The following MARCHF1 variants were observed in gnomAD, a reference collection of about 807,000 sequenced individuals.
The protein encoded by MARCHF1 is membrane associated ring-CH-type finger 1.
In MARCHF1, 40 loss-of-function variants were observed where a neutral mutation model predicts 54.2. The ratio of observed to expected loss-of-function variants is 0.74; its 90% CI spans 0.57 to 0.96. The LOEUF is 0.96. Among genes scored for constraint, MARCHF1 ranks in the 40% least tolerant of loss-of-function variants. MARCHF1 has a pLI of 0.00. For missense variants in MARCHF1, 586 were observed against 656.5 expected (o/e 0.89, Z 1.17); for synonymous variants, 236 against 236.3 (o/e 1.00, Z 0.01).
chr4:163,531,998 ATAT>A (rs1237446885), intron 9 of MARCHF1, among the ~76,000 whole-genome samples: 2 of 152,026 alleles, frequency 1.3e-5, no homozygotes, highest in Admixed American at 1.3e-4. Context: ...ACTTAATATT[ATAT>A]TATTAAGATA....
chr4:163,792,912 C>T (rs1441825687), intron 4 of MARCHF1, among the ~76,000 whole-genome samples: 2 of 152,176 alleles, frequency 1.3e-5, no homozygotes, highest in Non-Finnish European at 2.9e-5. Flanking sequence ...GACCCAGGCT[C>T]TATTGCTTTG....
chr4:163,587,627 G>A (rs1318912108), intron 7 of MARCHF1, among the ~76,000 whole-genome samples: 2 of 152,056 alleles, frequency 1.3e-5, no homozygotes, highest in Non-Finnish European at 2.9e-5. Flanking sequence ...GGGGGAGGGT[G>A]GTGGGAAGTA....
chr4:163,791,188 G>T (rs1257693410), intron 4 of MARCHF1, among the ~76,000 whole-genome samples: 1 of 152,124 alleles, frequency 6.6e-6, no homozygotes, highest in Admixed American at 6.6e-5. Flanking sequence ...TCTTCTAGCT[G>T]AAAGTGTACC....
rs375746609 is a variant in MARCHF1 at position 163,823,865 on chromosome 4, A to G, written c.111+30156T>C. Among the ~76,000 whole-genome samples, 32 of 107,834 alleles carry G rather than the reference A, an allele frequency of 3.0e-4. 1 individual carries two copies. In the South Asian group the frequency reaches 0.014, roughly 46 times the overall value. The allele number at this position is 107,834 out of a possible 152,430, so 70.7% of individuals were successfully genotyped here. On this transcript the variant is annotated intron_variant, in intron 4 of 9. Coordinates refer to ENST00000514618, the MANE Select transcript of MARCHF1 (RefSeq NM_001394959.1). Reference sequence around the variant, plus strand: ...GTCAATGTGCTTTGAGACAAAATCGATGTAAAATTAAGTTATGTTAAAGTT... The same window carrying G: ...GTCAATGTGCTTTGAGACAAAATCGGTGTAAAATTAAGTTATGTTAAAGTT...
intron 1 of MARCHF1, among the ~76,000 whole-genome samples, chr4:164,275,931 C>T (rs1300126787): frequency 6.6e-6 from 1 of 152,144 alleles, no homozygotes; most frequent in Non-Finnish European, 1.5e-5. Context: ...TCAAGTTATC[C>T]ATTACACTAT....
At chr4:164,150,739 C>T (rs1477781014) in intron 1 of MARCHF1, among the ~76,000 whole-genome samples, 2 of 152,076 alleles carry the variant, frequency 1.3e-5, no homozygotes, top group Non-Finnish European at 2.9e-5. Context: ...TTATTAAAAC[C>T]ACACATTTTC....
chr4:164,197,114 T>C lies in MARCHF1; in HGVS notation c.-322-85452A>G, dbSNP rs149038300. On this transcript the variant is annotated intron_variant, in intron 1 of 9. Transcript: ENST00000514618. Reference sequence around the variant, plus strand: ...TCTTCATCCTCCTCGTCCCCTCCACTCACGTCCTCCTCTTCACCTTCCTCC... The same window carrying C: ...TCTTCATCCTCCTCGTCCCCTCCACCCACGTCCTCCTCTTCACCTTCCTCC... 7.5e-5 allele frequency: 120 copies of C among 1,605,876 alleles called. 1 individual carries two copies. Among genetic ancestry groups the C allele is most frequent in the Admixed American group, 6.7e-5 (4 of 59,428 alleles).
At chr4:164,035,273 C>G (rs904127519) in intron 2 of MARCHF1, among the ~76,000 whole-genome samples, 8 of 151,964 alleles carry the variant, frequency 5.3e-5, no homozygotes, top group Non-Finnish European at 1.0e-4. Flanking sequence ...AGTCATTACT[C>G]TATACCCATA....
intron 3 of MARCHF1, among the ~76,000 whole-genome samples, chr4:163,929,939 ATT>A (rs1382596272): frequency 2.3e-4 from 5 of 21,526 alleles, no homozygotes; most frequent in African/African-American, 4.9e-4. Context: ...TATATTATAT[ATT>A]TATATTATAT....
At chr4:163,708,608 T>C (rs186269901) in intron 4 of MARCHF1, among the ~76,000 whole-genome samples, 11 of 152,246 alleles carry the variant, frequency 7.2e-5, no homozygotes, top group African/African-American at 2.2e-4. Flanking sequence ...TAAGAAGTGA[T>C]AAAATATGAT....
intron 2 of MARCHF1, among the ~76,000 whole-genome samples, chr4:164,071,578 G>A (rs1385826387): frequency 6.6e-6 from 1 of 152,010 alleles, no homozygotes; most frequent in East Asian, 1.9e-4. Flanking sequence ...TAAGTTAATA[G>A]TCATAAAGAA....
chr4:164,052,145 T>TG (rs1326517074), intron 2 of MARCHF1, among the ~76,000 whole-genome samples: 12 of 72,048 alleles, frequency 1.7e-4, no homozygotes, highest in East Asian at 1.3e-3. Context: ...GTTTTTTTTT[T>TG]TGTTTTTTTT....
chr4:164,236,626 T>C (rs909084911), intron 1 of MARCHF1, among the ~76,000 whole-genome samples: 1 of 152,114 alleles, frequency 6.6e-6, no homozygotes, highest in Non-Finnish European at 1.5e-5. Flanking sequence ...AACATGTGCA[T>C]TGAACATCTC....
chr4:163,976,439 T>C (rs1313392668), intron 3 of MARCHF1, among the ~76,000 whole-genome samples: 1 of 152,074 alleles, frequency 6.6e-6, no homozygotes, highest in African/African-American at 2.4e-5. Context: ...AGAAGAAATA[T>C]AAATAACTGT....
chr4:164,294,371 A>G (rs1050095764), intron 1 of MARCHF1, among the ~76,000 whole-genome samples: 25 of 152,116 alleles, frequency 1.6e-4, no homozygotes, highest in African/African-American at 6.0e-4. Context: ...ACACAAATCA[A>G]TTGTAGCTCT....
At chr4:164,367,842 C>A (rs13148765) in intron 1 of MARCHF1, among the ~76,000 whole-genome samples, 78,056 of 151,590 alleles carry the variant, frequency 0.51, 20,993 homozygotes, top group East Asian at 0.65. Flanking sequence ...TGTAAATTAA[C>A]CTTCTTAGAG....
chr4:163,616,275 C>T (rs182906094), intron 5 of MARCHF1, among the ~76,000 whole-genome samples: 93 of 152,178 alleles, frequency 6.1e-4, no homozygotes, highest in African/African-American at 2.1e-3. Flanking sequence ...AGGATTGTTT[C>T]CTCTGCACAA....
chr4:164,128,106 A>C (rs1560917445), intron 1 of MARCHF1, among the ~76,000 whole-genome samples: 1 of 152,206 alleles, frequency 6.6e-6, no homozygotes, highest in South Asian at 2.1e-4. Context: ...GCTATTTGGA[A>C]ATCAATTAAA....
At chr4:164,213,296 C>G (rs975713067) in intron 1 of MARCHF1, among the ~76,000 whole-genome samples, 1 of 151,132 alleles carries the variant, frequency 6.6e-6, no homozygotes, top group Non-Finnish European at 1.5e-5. Flanking sequence ...TGCAGTGGCG[C>G]AAGCTCTGCT....
Sources: allele counts gnomAD v4.1 joint callset (sites outside exome capture counted in the v4.1 genomes callset), GRCh38; gene constraint gnomAD v4.1.1; transcripts MANE v1.5; gene names NCBI Gene and HGNC (gene_info 2026-07-23, HGNC 2026-07-21).